Variants in FILIP1 observed in about 807,000 individuals in gnomAD.
FILIP1 encodes the protein filamin A interacting protein 1, also known as filamin-A-interacting protein 1.
FILIP1 carries 61 observed loss-of-function variants against 102.1 expected under a neutral mutation model. The ratio of observed to expected loss-of-function variants is 0.60; its 90% CI spans 0.49 to 0.74. The LOEUF (loss-of-function observed/expected upper bound fraction) is 0.74, where lower values mean the gene tolerates loss of function less well. Ranked by LOEUF, FILIP1 falls within the 30% of genes least tolerant of loss-of-function variation. The pLI, the probability that FILIP1 is intolerant of heterozygous loss-of-function variation, is 0.00. For synonymous variants in FILIP1, 491 were observed against 526.9 expected (o/e 0.93, Z 0.93); for missense variants, 1,314 against 1,441.2 (o/e 0.91, Z 1.43).
intron 4 of FILIP1, among the ~76,000 whole-genome samples, chr6:75,348,952 A>T (rs1460232028): frequency 2.0e-5 from 3 of 151,870 alleles, no homozygotes; most frequent in African/African-American, 7.3e-5. Context: ...TGGATATAAG[A>T]GGGTGGGGTG....
At chr6:75,483,143 C>T (rs1446311138) in intron 1 of FILIP1, among the ~76,000 whole-genome samples, 2 of 152,118 alleles carry the variant, frequency 1.3e-5, no homozygotes, top group African/African-American at 4.8e-5. Context: ...GAAGCCTGTT[C>T]CATAGAATTT....
chr6:75,393,431 A>G (rs1776351082), intron 2 of FILIP1, among the ~76,000 whole-genome samples: 1 of 152,198 alleles, frequency 6.6e-6, no homozygotes, highest in African/African-American at 2.4e-5. Context: ...TCTTTTAAGT[A>G]AAAAGCCAAG....
chr6:75,427,203 T>C (rs1562583950), intron 1 of FILIP1, among the ~76,000 whole-genome samples: 1 of 152,184 alleles, frequency 6.6e-6, no homozygotes, highest in South Asian at 2.1e-4. Context: ...CTGGAAAATA[T>C]ATAGATTAAG....
chr6:75,345,266 G>T (rs947662299), intron 4 of FILIP1, among the ~76,000 whole-genome samples: 1 of 151,770 alleles, frequency 6.6e-6, no homozygotes, highest in African/African-American at 2.4e-5. Flanking sequence ...ATTGATATAG[G>T]AGTTAAAAAG....
intron 2 of FILIP1, among the ~76,000 whole-genome samples, chr6:75,405,403 A>G (rs1266427360): frequency 6.6e-6 from 1 of 152,114 alleles, no homozygotes; most frequent in Non-Finnish European, 1.5e-5. Context: ...AACAACAACA[A>G]ACAAACAAAC....
At chr6:75,387,348 CAT>C (rs1776135043) in intron 2 of FILIP1, among the ~76,000 whole-genome samples, 3 of 152,272 alleles carry the variant, frequency 2.0e-5, no homozygotes, top group East Asian at 1.9e-4. Context: ...CTGCAATAAA[CAT>C]ATGTGTGCAT....
At chr6:75,455,906 C>T (rs1241210865) in intron 1 of FILIP1, among the ~76,000 whole-genome samples, 1 of 152,164 alleles carries the variant, frequency 6.6e-6, no homozygotes, top group African/African-American at 2.4e-5. Context: ...CCACTGTTTC[C>T]CATATGAACA....
At chr6:75,405,726 C>A (rs993385830) in intron 2 of FILIP1, among the ~76,000 whole-genome samples, 1 of 152,068 alleles carries the variant, frequency 6.6e-6, no homozygotes, top group Non-Finnish European at 1.5e-5. Flanking sequence ...TTAGACTGCA[C>A]AGGCTAAACT....
downstream of FILIP1, among the ~76,000 whole-genome samples, chr6:75,304,987 G>A (rs1772940333): frequency 6.6e-6 from 1 of 152,216 alleles, no homozygotes; most frequent in Non-Finnish European, 1.5e-5. Flanking sequence ...AGACTGGGCA[G>A]TAGCTACAGA....
intron 4 of FILIP1, among the ~76,000 whole-genome samples, chr6:75,325,285 G>A (rs1773803063): frequency 6.6e-6 from 1 of 152,150 alleles, no homozygotes. Flanking sequence ...ATCTGGGTGT[G>A]GTGGCACACA....
intron 2 of FILIP1, among the ~76,000 whole-genome samples, chr6:75,393,241 G>A (rs1776342737): frequency 6.6e-6 from 1 of 152,042 alleles, no homozygotes; most frequent in South Asian, 2.1e-4. Flanking sequence ...CATAGAGATG[G>A]AATTTTTTTA....
intron 4 of FILIP1, among the ~76,000 whole-genome samples, chr6:75,346,077 G>C (rs1774571145): frequency 6.6e-6 from 1 of 152,164 alleles, no homozygotes; most frequent in Non-Finnish European, 1.5e-5. Context: ...CTGACATTTA[G>C]ATTTAAGTAT....
chr6:75,461,805 C>T (rs1437741962), intron 1 of FILIP1, among the ~76,000 whole-genome samples: 1 of 152,158 alleles, frequency 6.6e-6, no homozygotes, highest in South Asian at 2.1e-4. Flanking sequence ...TATTAAGCAC[C>T]GCTTGAACAA....
In FILIP1 at chr6:75,312,731, C is replaced by A. The variant is rs531018423; in HGVS notation, c.3101G>T (p.Arg1034Leu). 6.2e-7 allele frequency: 1 copy of A among 1,614,118 alleles called. No homozygotes were observed. Among genetic ancestry groups the A allele is most frequent in the Non-Finnish European group, 8.5e-7 (1 of 1,180,034 alleles). ...SPESQEMPMGRTILKVTPEKQ... is the reference protein window; with the variant it reads ...SPESQEMPMGLTILKVTPEKQ... ...TTCTGGGGTGACTTTGAGGATTGTC[C>A]GTCCCATGGGCATTTCCTGGGATTC... The change falls in exon 5 of 6, where the codon CGG becomes CTG. Residue 1034 changes from arginine to leucine, a missense_variant. By Grantham distance (102) the Arg-to-Leu change is moderately radical (BLOSUM62 -2). This residue lies in a region of FILIP1 where 816 missense variants were observed against 913.1 expected (regional missense o/e 0.89). Transcript: ENST00000237172.
chr6:75,452,737 G>A (rs993381117), intron 1 of FILIP1, among the ~76,000 whole-genome samples: 16 of 152,190 alleles, frequency 1.1e-4, no homozygotes, highest in African/African-American at 3.4e-4. Context: ...AGGACAAAAT[G>A]TGAAAAAATA....
chr6:75,326,333 T>C (rs1037408399), intron 4 of FILIP1, among the ~76,000 whole-genome samples: 5 of 152,108 alleles, frequency 3.3e-5, no homozygotes, highest in African/African-American at 1.2e-4. Flanking sequence ...TACAATGGAC[T>C]TTGGGGACTC....
At chr6:75,319,095 A>T in intron 4 of FILIP1, 1 of 732,402 alleles carries the variant, frequency 1.4e-6, no homozygotes, top group South Asian at 1.4e-5. Context: ...CATCCTCTTC[A>T]TCTTCCTCCT....
At chr6:75,370,574 T>G in intron 2 of FILIP1, among the ~76,000 whole-genome samples, 1 of 143,842 alleles carries the variant, frequency 7.0e-6, no homozygotes, top group Non-Finnish European at 1.5e-5. Context: ...CTCTTCTTTT[T>G]TTTTTTTTTT....
intron 4 of FILIP1, among the ~76,000 whole-genome samples, chr6:75,321,945 A>C (rs554807663): frequency 4.1e-4 from 63 of 152,332 alleles, no homozygotes; most frequent in African/African-American, 1.4e-3. Context: ...AGGCCTGTGC[A>C]GAGAGAGAAG....
Sources: gnomAD v4.1 joint callset for allele counts (sites outside exome capture counted in the v4.1 genomes callset) on GRCh38, gnomAD v4.1.1 for gene constraint, gnomAD v4.1.1 regional missense constraint, MANE v1.5 for transcripts, NCBI Gene and HGNC (gene_info 2026-07-23, HGNC 2026-07-21) for gene names.